Variants in NEMP2 observed in about 807,000 individuals in gnomAD.
NEMP2 encodes nuclear envelope integral membrane protein 2, also known as UPF0571 transmembrane protein.
NEMP2 carries 53 observed loss-of-function variants against 54.2 expected under a neutral mutation model. That is an observed-to-expected ratio of 0.98 (90% confidence interval 0.78 to 1.23). The LOEUF is 1.23. Among genes scored for constraint, NEMP2 ranks in the 50% most tolerant of loss-of-function variants. NEMP2 has a pLI of 0.00. For missense variants in NEMP2, 455 were observed against 511.3 expected, an observed-to-expected ratio of 0.89 and a Z score of 1.06; for synonymous variants, 197 against 190.3, an observed-to-expected ratio of 1.04 and a Z score of -0.29.
At chr2:190,489,943 G>C in the NEMP2 span, 2 of 1,272,696 alleles carry the variant, frequency 1.6e-6, no homozygotes, top group Non-Finnish European at 2.2e-6. This position sits in a 1 kb window ranked among gnomAD's most constrained non-coding sequence, Gnocchi z 6.6. Flanking sequence ...GAGAAGCCTA[G>C]AAGTGGTACA....
the NEMP2 span, chr2:190,628,183 G>T: frequency 6.6e-6 from 1 of 152,334 alleles, no homozygotes; most frequent in Non-Finnish European, 1.5e-5. The surrounding 1 kb of genome is among the most constrained non-coding windows in gnomAD (Gnocchi z 4.1). Context: ...AATTTCTGCA[G>T]ATCATTTACT....
chr2:190,638,928 A>T, the NEMP2 span, among the ~76,000 whole-genome samples: 3 of 152,214 alleles, frequency 2.0e-5, no homozygotes, highest in Non-Finnish European at 4.4e-5. This position sits in a 1 kb window ranked among gnomAD's most constrained non-coding sequence, Gnocchi z 5.7. Flanking sequence ...ACAAACAAAC[A>T]GGGCATCAGA....
chr2:190,436,071 G>A, the NEMP2 span: 45 of 1,613,838 alleles, frequency 2.8e-5, no homozygotes, highest in South Asian at 4.2e-4. This position sits in a 1 kb window ranked among gnomAD's most constrained non-coding sequence, Gnocchi z 5.3. Flanking sequence ...ATGATGAAGA[G>A]GAACAGAAGA....
chr2:190,590,995 C>T, the NEMP2 span, among the ~76,000 whole-genome samples: 1 of 152,128 alleles, frequency 6.6e-6, no homozygotes, highest in East Asian at 1.9e-4. The surrounding 1 kb of genome is among the most constrained non-coding windows in gnomAD (Gnocchi z 5.1). Flanking sequence ...TTGCTTTTTA[C>T]CTTTCTGCCT....
the NEMP2 span, among the ~76,000 whole-genome samples, chr2:190,594,299 AC>A: frequency 6.6e-6 from 1 of 151,634 alleles, no homozygotes; most frequent in Non-Finnish European, 1.5e-5. This position sits in a 1 kb window ranked among gnomAD's most constrained non-coding sequence, Gnocchi z 5.6. Context: ...CCACACACCC[AC>A]CCCCGTCACC....
At position 190,519,577 on chromosome 2, in the gene NEMP2, T is replaced by A. The variant is rs1022404104; in HGVS notation, c.214-394A>T. 1.3e-5 allele frequency among the ~76,000 whole-genome samples: 2 copies of A among 152,200 alleles called. No homozygotes were observed. Among genetic ancestry groups the A allele is most frequent in the African/African-American group, 4.8e-5 (2 of 41,514 alleles). On this transcript the variant is annotated intron_variant, in intron 2 of 8. Transcript: ENST00000409150. The surrounding 1 kb of genome is among the most constrained non-coding windows in gnomAD (Gnocchi z 5.4). ...GCAGAGGAGTAAAGATAACTCAAAG[T>A]CAGCTGAAAAAAGAATACTCAAATG... is the stretch of plus-strand genomic sequence containing the variant.
At chr2:190,497,952 G>T in the NEMP2 span, 1 of 391,294 alleles carries the variant, frequency 2.6e-6, no homozygotes, top group Non-Finnish European at 4.6e-6. The surrounding 1 kb of genome is among the most constrained non-coding windows in gnomAD (Gnocchi z 5.2). Context: ...CAGAGGTTAT[G>T]ATTCTTTCAC....
chr2:190,556,173 A>C, the NEMP2 span, among the ~76,000 whole-genome samples: 119 of 152,328 alleles, frequency 7.8e-4, no homozygotes, highest in African/African-American at 2.8e-3. Context: ...CTGGTTCAAC[A>C]AACACAAATC....
At chr2:190,582,383 G>A in the NEMP2 span, among the ~76,000 whole-genome samples, 2 of 152,080 alleles carry the variant, frequency 1.3e-5, no homozygotes. This position sits in a 1 kb window ranked among gnomAD's most constrained non-coding sequence, Gnocchi z 4.6. Context: ...AGAGCGCCGG[G>A]ACACATGAGG....
At chr2:190,491,766 A>T in the NEMP2 span, among the ~76,000 whole-genome samples, 2 of 152,200 alleles carry the variant, frequency 1.3e-5, no homozygotes, top group Admixed American at 1.3e-4. The surrounding 1 kb of genome is among the most constrained non-coding windows in gnomAD (Gnocchi z 4.2). Flanking sequence ...ACCTGCCCCA[A>T]CAAAATCACA....
At chr2:190,464,548 G>A in the NEMP2 span, among the ~76,000 whole-genome samples, 1 of 152,102 alleles carries the variant, frequency 6.6e-6, no homozygotes, top group East Asian at 1.9e-4. Context: ...CAGTCACCCT[G>A]TCTGGCCACA....
the NEMP2 span, among the ~76,000 whole-genome samples, chr2:190,639,673 G>A: frequency 1.3e-5 from 2 of 150,800 alleles, no homozygotes; most frequent in Admixed American, 1.3e-4. Context: ...TTTTTTGACG[G>A]AGTCTCACTC....
chr2:190,468,868 C>T, the NEMP2 span, among the ~76,000 whole-genome samples: 1 of 152,002 alleles, frequency 6.6e-6, no homozygotes, highest in African/African-American at 2.4e-5. Context: ...GAAAACAGAG[C>T]ATTAAGGTTA....
intron 4 of NEMP2, among the ~76,000 whole-genome samples, 186 bp downstream of exon 4, chr2:190,518,550 C>T (rs1690642566): frequency 6.6e-6 from 1 of 152,162 alleles, no homozygotes. Flanking sequence ...ATATACATAT[C>T]ACACGATAAA....
chr2:190,534,349 T>A, intron 1 of NEMP2: 1 of 1,200,462 alleles, frequency 8.3e-7, no homozygotes, highest in Non-Finnish European at 1.0e-6. Flanking sequence ...AATTACAAAA[T>A]GTCCAACTGC....
the NEMP2 span, among the ~76,000 whole-genome samples, chr2:190,468,982 A>G: frequency 6.6e-6 from 1 of 152,136 alleles, no homozygotes; most frequent in Non-Finnish European, 1.5e-5. Context: ...AAACCAGCCC[A>G]TCCAGTTCAG....
chr2:190,440,446 A>G, the NEMP2 span, among the ~76,000 whole-genome samples: 1 of 152,220 alleles, frequency 6.6e-6, no homozygotes, highest in East Asian at 1.9e-4. Flanking sequence ...TTTGATCCAA[A>G]ATCATAAGAC....
chr2:190,636,392 C>T, the NEMP2 span, among the ~76,000 whole-genome samples: 16 of 152,196 alleles, frequency 1.1e-4, no homozygotes, highest in African/African-American at 3.9e-4. Flanking sequence ...AAAGGAAAAA[C>T]TTTGCAACAA....
chr2:190,497,047 A>C, the NEMP2 span, among the ~76,000 whole-genome samples: 1 of 152,124 alleles, frequency 6.6e-6, no homozygotes, highest in African/African-American at 2.4e-5. The surrounding 1 kb of genome is among the most constrained non-coding windows in gnomAD (Gnocchi z 5.2). Flanking sequence ...TTCCCCAAAA[A>C]CCTGTGGGAA....
Sources: allele counts gnomAD v4.1 joint callset (sites outside exome capture counted in the v4.1 genomes callset), GRCh38; gene constraint gnomAD v4.1.1; non-coding constraint Gnocchi (gnomAD v3.1); transcripts MANE v1.5; gene names NCBI Gene and HGNC (gene_info 2026-07-23, HGNC 2026-07-21).